The following SRFBP1 variants were observed in gnomAD, a reference collection of about 807,000 sequenced individuals.
SRFBP1 encodes the protein serum response factor binding protein 1, also known as serum response factor-binding protein 1.
A neutral mutation model predicts 45.5 loss-of-function variants in SRFBP1; 47 were observed. That is an observed-to-expected ratio of 1.03 (90% confidence interval 0.82 to 1.32). The LOEUF is 1.32. Among genes scored for constraint, SRFBP1 ranks in the 40% most tolerant of loss-of-function variants. The pLI, the probability that SRFBP1 is intolerant of heterozygous loss-of-function variation, is 0.00. For missense variants in SRFBP1, 621 were observed against 484.6 expected (o/e 1.28, Z -2.64); for synonymous variants, 203 against 166.3 (o/e 1.22, Z -1.70).
intron 3 of SRFBP1, among the ~76,000 whole-genome samples, chr5:121,983,733 G>T (rs889586327): frequency 6.6e-6 from 1 of 151,660 alleles, no homozygotes; most frequent in Non-Finnish European, 1.5e-5. Context: ...TTCAACTTTT[G>T]ACATGAAATT....
chr5:122,071,373 G>C (rs188774827), intron 2 of SRFBP1, among the ~76,000 whole-genome samples: 2 of 152,206 alleles, frequency 1.3e-5, no homozygotes, highest in East Asian at 1.9e-4. Context: ...TCAAGGTCCA[G>C]AGTCCCTGTT....
intron 4 of SRFBP1, among the ~76,000 whole-genome samples, chr5:122,003,773 T>C (rs79062418): frequency 0.044 from 6,743 of 152,288 alleles, 170 homozygotes; most frequent in African/African-American, 0.06. Flanking sequence ...AGAGGTGATA[T>C]CTCGTTACGG....
intron 3 of SRFBP1, among the ~76,000 whole-genome samples, chr5:121,987,171 A>G (rs575868710): frequency 4.6e-5 from 7 of 152,100 alleles, no homozygotes; most frequent in African/African-American, 1.2e-4. Flanking sequence ...TGGTAATACA[A>G]TGGAGGGAAC....
intron 2 of SRFBP1, among the ~76,000 whole-genome samples, chr5:122,035,003 A>G (rs544424054): frequency 3.9e-5 from 6 of 152,058 alleles, no homozygotes; most frequent in Non-Finnish European, 8.8e-5. Flanking sequence ...TTGTCTGGGC[A>G]GAGGATAGCT....
intron 3 of SRFBP1, among the ~76,000 whole-genome samples, chr5:121,990,972 A>G (rs1752610635): frequency 6.6e-6 from 1 of 152,094 alleles, no homozygotes; most frequent in African/African-American, 2.4e-5. Context: ...AGAGTTTGCT[A>G]CTTTTTAGCC....
At chr5:122,010,226 G>A (rs1753063404) in intron 4 of SRFBP1, among the ~76,000 whole-genome samples, 1 of 152,018 alleles carries the variant, frequency 6.6e-6, no homozygotes, top group Non-Finnish European at 1.5e-5. Context: ...TTTGGCCTCT[G>A]CTTGCCTAGA....
intron 2 of SRFBP1, among the ~76,000 whole-genome samples, chr5:122,036,418 G>C (rs1041805183): frequency 2.8e-4 from 42 of 152,118 alleles, no homozygotes; most frequent in African/African-American, 1.0e-3. Context: ...ACATTGTGCT[G>C]GGAGAAATAA....
At chr5:121,973,413 A>T (rs924065557) in intron 1 of SRFBP1, among the ~76,000 whole-genome samples, 4 of 151,798 alleles carry the variant, frequency 2.6e-5, no homozygotes, top group African/African-American at 9.7e-5. Flanking sequence ...AATTTTTAAG[A>T]TGTATGCCTC....
intron 2 of SRFBP1, among the ~76,000 whole-genome samples, chr5:122,041,606 T>C (rs1753774106): frequency 6.6e-6 from 1 of 152,128 alleles, no homozygotes; most frequent in Non-Finnish European, 1.5e-5. Flanking sequence ...ATCTTTTACA[T>C]TCTAATTGGC....
At chr5:121,990,475 A>G (rs138588033) in intron 3 of SRFBP1, among the ~76,000 whole-genome samples, 119 of 152,256 alleles carry the variant, frequency 7.8e-4, no homozygotes, top group African/African-American at 2.5e-3. Flanking sequence ...ATGGGGTACT[A>G]TCCTCACTAT....
intron 2 of SRFBP1, chr5:122,063,904 A>G (rs1057156395): frequency 2.6e-5 from 4 of 151,972 alleles, no homozygotes; most frequent in Non-Finnish European, 4.4e-5. Context: ...CTAGTGAGTA[A>G]TTGGATGATA....
At chr5:122,041,706 C>G (rs968809441) in intron 2 of SRFBP1, among the ~76,000 whole-genome samples, 2 of 151,986 alleles carry the variant, frequency 1.3e-5, no homozygotes, top group Non-Finnish European at 2.9e-5. Flanking sequence ...TTAATAGTTT[C>G]TCTGTTGTTT....
chr5:122,040,584 C>G (rs1365393507), intron 2 of SRFBP1, among the ~76,000 whole-genome samples: 1 of 152,132 alleles, frequency 6.6e-6, no homozygotes, highest in Non-Finnish European at 1.5e-5. Flanking sequence ...CTCTCTCTAT[C>G]TGGACAGAAG....
intron 7 of SRFBP1, among the ~76,000 whole-genome samples, chr5:122,023,256 G>C (rs1419150988): frequency 6.6e-6 from 1 of 152,100 alleles, no homozygotes; most frequent in Non-Finnish European, 1.5e-5. Context: ...TCTATCACTG[G>C]ATGGCCATTT....
Position 122,027,164 on chromosome 5 carries a change from A to T in SRFBP1, c.*38A>T. The T allele has an allele frequency of 1.3e-6, 2 of 1,556,816 alleles. No homozygotes were observed. Among genetic ancestry groups the T allele is most frequent in the Non-Finnish European group, 1.7e-6 (2 of 1,147,406 alleles). On this transcript the variant is annotated 3_prime_UTR_variant, in exon 8 of 8. Coordinates refer to ENST00000339397, the MANE Select transcript of SRFBP1 (RefSeq NM_152546.3). ...TCTGCAAACTTTTCCATCTAAAAAA[A>T]AAAATGTTTTTTTTAAGACAGGATC...
intron 1 of SRFBP1, among the ~76,000 whole-genome samples, chr5:121,967,447 A>G (rs1204219115): frequency 6.6e-6 from 1 of 152,196 alleles, no homozygotes; most frequent in Non-Finnish European, 1.5e-5. Context: ...TAAGCACTCT[A>G]GGTATTTTAA....
chr5:122,058,055 A>G (rs1322125831), intron 2 of SRFBP1, among the ~76,000 whole-genome samples: 2 of 152,278 alleles, frequency 1.3e-5, no homozygotes, highest in East Asian at 3.9e-4. Flanking sequence ...GGTTCTTGAT[A>G]TATATTGTCA....
intron 2 of SRFBP1, among the ~76,000 whole-genome samples, chr5:122,041,141 A>T (rs1198590212): frequency 6.6e-6 from 1 of 152,184 alleles, no homozygotes; most frequent in Non-Finnish European, 1.5e-5. Context: ...TTAGGAGGCT[A>T]TTAGAATAAT....
intron 1 of SRFBP1, among the ~76,000 whole-genome samples, chr5:121,965,784 A>G (rs553868502): frequency 1.3e-5 from 2 of 152,306 alleles, no homozygotes; most frequent in South Asian, 2.1e-4. Context: ...TTTGGGCAGT[A>G]TGGCTGTTTT....
Sources: gnomAD v4.1 joint callset for allele counts (sites outside exome capture counted in the v4.1 genomes callset) on GRCh38, gnomAD v4.1.1 for gene constraint, MANE v1.5 for transcripts, NCBI Gene and HGNC (gene_info 2026-07-23, HGNC 2026-07-21) for gene names.